Variants in SH3BP2 observed in about 807,000 individuals in gnomAD.
SH3BP2 encodes the protein SH3 domain binding protein 2.
SH3BP2 carries 38 observed loss-of-function variants against 56.2 expected under a neutral mutation model. That is an observed-to-expected ratio of 0.68 (90% CI 0.52 to 0.89). SH3BP2 has a LOEUF of 0.89. Ranked by LOEUF, SH3BP2 falls within the 40% of genes least tolerant of loss-of-function variation. The pLI is 0.00. For missense variants in SH3BP2, 748 were observed against 762.6 expected, an observed-to-expected ratio of 0.98 and a Z score of 0.23; for synonymous variants, 346 against 316.7, an observed-to-expected ratio of 1.09 and a Z score of -0.98.
At position 2,837,158 on chromosome 4, in the gene SH3BP2, A is replaced by T. The variant is rs188447107; in HGVS notation, c.*3324A>T. On this transcript the variant is annotated 3_prime_UTR_variant, in exon 13 of 13. Transcript: ENST00000503393. Reference sequence around the variant, plus strand: ...AGGGTTCAATCGATTCTCCTGCCTCACCCTCCCATGTAGCTGGGATTACAG... The same window carrying T: ...AGGGTTCAATCGATTCTCCTGCCTCTCCCTCCCATGTAGCTGGGATTACAG... The T allele has an allele frequency of 2.0e-5, 3 of 151,476 alleles. No homozygotes were observed. The highest frequency in any genetic ancestry group is 7.3e-5 in the African/African-American group (3 of 41,208). 9.4% of individuals were successfully genotyped at this position (151,476 alleles called of 1,614,324 possible). A position where few individuals can be genotyped will look rare whatever the true frequency, so the allele number is the denominator to read the frequency against.
In SH3BP2 at chr4:2,810,588, G is replaced by A. The variant is rs1723707359; in HGVS notation, c.-4-10026G>A. 6.6e-6 allele frequency among the ~76,000 whole-genome samples: 1 copy of A among 151,912 alleles called. No individual in the cohort carries two copies. Among genetic ancestry groups the A allele is most frequent in the African/African-American group, 2.4e-5 (1 of 41,334 alleles). On this transcript the variant is annotated intron_variant, in intron 1 of 12. Coordinates refer to ENST00000503393, the MANE Select transcript of SH3BP2 (RefSeq NM_001122681.2). The surrounding 1 kb of genome is among the most constrained non-coding windows in gnomAD (Gnocchi z 4.2). ...TGGGTTGTCATCCCTGAAGCTGTGC[G>A]TTGGCCACCTCATTGCCTGTGGATT...
chr4:2,796,484 C>T (rs1203035613), intron 1 of SH3BP2: 1 of 983,784 alleles, frequency 1.0e-6, no homozygotes, highest in Non-Finnish European at 1.2e-6. Context: ...GTGACTGGCC[C>T]TTTCTTCATG....
Position 2,834,101 on chromosome 4 carries a change from A to G in SH3BP2, c.*267A>G, listed in dbSNP as rs930867364. On this transcript the variant is annotated 3_prime_UTR_variant, in exon 13 of 13. Coordinates refer to ENST00000503393, the MANE Select transcript of SH3BP2 (RefSeq NM_001122681.2). Reference sequence around the variant, plus strand: ...GTCCCAATCCCAGAAACCCAGGACCAAGCTGTGCCTGGGCTCCAAGGACAG... The same window carrying G: ...GTCCCAATCCCAGAAACCCAGGACCGAGCTGTGCCTGGGCTCCAAGGACAG... 1 of 470,960 alleles carries G rather than the reference A, an allele frequency of 2.1e-6. No homozygotes were observed. Among genetic ancestry groups the G allele is most frequent in the Non-Finnish European group, 3.8e-6 (1 of 260,612 alleles). The allele number at this position is 470,960 out of a possible 1,614,324, so 29.2% of individuals were successfully genotyped here.
In SH3BP2 at chr4:2,831,765, G is replaced by T; in HGVS notation, c.1350+86G>T. 1 of 1,380,124 alleles carries T rather than the reference G, an allele frequency of 7.2e-7. No individual in the cohort carries two copies. The highest frequency in any genetic ancestry group is 1.2e-5 in the South Asian group (1 of 81,508). The allele number at this position is 1,380,124 out of a possible 1,614,324, so 85.5% of individuals were successfully genotyped here. A position where few individuals can be genotyped will look rare whatever the true frequency, so the allele number is the denominator to read the frequency against. ...CCATAGGCCAGGGCGGCCCCTCACA[G>T]ACCGTCCTGAGCAAGGACCCCCCGA... On this transcript the variant is annotated intron_variant, in intron 9 of 12. Transcript: ENST00000503393. The surrounding 1 kb of genome is among the most constrained non-coding windows in gnomAD (Gnocchi z 4.1).
In SH3BP2 at chr4:2,810,149, G is replaced by A. The variant is rs1050345479; in HGVS notation, c.-4-10465G>A. On this transcript the variant is annotated intron_variant, in intron 1 of 12. Coordinates refer to ENST00000503393, the MANE Select transcript of SH3BP2 (RefSeq NM_001122681.2). The surrounding 1 kb of genome is among the most constrained non-coding windows in gnomAD (Gnocchi z 4.2). ...AAGAGGAATTGAGAGAGCAATTGGA[G>A]AAGCTAAGGCCCAGAGAGGAGGGGT... Among the ~76,000 whole-genome samples the A allele has an allele frequency of 6.6e-6, 1 of 152,164 alleles. No individual in the cohort carries two copies. The highest frequency in any genetic ancestry group is 2.4e-5 in the African/African-American group (1 of 41,438).
intron 1 of SH3BP2, among the ~76,000 whole-genome samples, chr4:2,800,614 C>T (rs544876030): frequency 3.0e-4 from 45 of 152,072 alleles, no homozygotes; most frequent in Admixed American, 1.4e-3. Flanking sequence ...GAGGCTGTCT[C>T]GGGCTCCCGT....
At chr4:2,833,163 G>A in intron 12 of SH3BP2, 114 bp downstream of exon 12, 1 of 915,556 alleles carries the variant, frequency 1.1e-6, no homozygotes. Context: ...GCACCTCCAG[G>A]ATACCGCCCT....
intron 1 of SH3BP2, chr4:2,818,712 C>A (rs1222482114): frequency 5.0e-6 from 5 of 995,288 alleles, no homozygotes; most frequent in Non-Finnish European, 6.0e-6. Flanking sequence ...GCCTTTGTTC[C>A]AAACCTTGGC....
chr4:2,818,842 A>G (rs1295577064), intron 1 of SH3BP2: 2 of 986,024 alleles, frequency 2.0e-6, no homozygotes, highest in East Asian at 1.1e-4. Flanking sequence ...CGAGGCCGGC[A>G]GAAGACAGCC....
intron 7 of SH3BP2, 131 bp downstream of exon 7, chr4:2,827,805 G>T: frequency 1.4e-6 from 1 of 732,196 alleles, no homozygotes. Flanking sequence ...CTTCCCTGCT[G>T]TGTCCCAAGT....
chr4:2,808,517 G>C (rs1723624577), intron 1 of SH3BP2, among the ~76,000 whole-genome samples: 2 of 152,044 alleles, frequency 1.3e-5, no homozygotes, highest in African/African-American at 4.8e-5. Flanking sequence ...TCTTTCTAGG[G>C]TTCCCTCTCC....
Position 2,831,132 on chromosome 4 carries a change from G to T in SH3BP2, c.1242-439G>T, listed in dbSNP as rs549369159. On this transcript the variant is annotated intron_variant, in intron 8 of 12. Transcript: ENST00000503393. This position sits in a 1 kb window ranked among gnomAD's most constrained non-coding sequence, Gnocchi z 4.1. ...TTTGAGGCTTTGCTGAGCAGGACCG[G>T]CTAGCCACACAGGGAGGCGTGCAGG... 6.6e-6 allele frequency among the ~76,000 whole-genome samples: 1 copy of T among 152,364 alleles called. No homozygotes were observed. The highest frequency in any genetic ancestry group is 2.1e-4 in the South Asian group (1 of 4,830).
chr4:2,826,989 G>T (rs77508647), intron 5 of SH3BP2: 7 of 668,040 alleles, frequency 1.0e-5, no homozygotes, highest in African/African-American at 1.8e-5. Context: ...CAGAGTATGT[G>T]TGCATGTGTG....
Position 2,814,328 on chromosome 4 carries a change from CTG to C in SH3BP2, c.-4-6283_-4-6282del, listed in dbSNP as rs531401741. Among the ~76,000 whole-genome samples the C allele has an allele frequency of 2.4e-4, 36 of 152,306 alleles. 1 individual carries two copies. The East Asian group carries it at 6.2e-3, about 26-fold the overall frequency. On this transcript the variant is annotated intron_variant, in intron 1 of 12. Coordinates refer to ENST00000503393, the MANE Select transcript of SH3BP2 (RefSeq NM_001122681.2). ...TTAAATGGAACCCGATGGGGTGTCT[CTG>C]TGGGACTGAGCACTTTTCACCTGAC...
intron 1 of SH3BP2, among the ~76,000 whole-genome samples, chr4:2,819,967 A>G (rs1724211802): frequency 6.6e-6 from 1 of 152,144 alleles, no homozygotes; most frequent in Admixed American, 6.5e-5. Context: ...GCTTGGGCTC[A>G]GAGGGAAGGG....
At chr4:2,813,529 T>G (rs422734) in intron 1 of SH3BP2, among the ~76,000 whole-genome samples, 120,335 of 152,158 alleles carry the variant, frequency 0.79, 48,539 homozygotes, top group African/African-American at 0.95. Flanking sequence ...TGGACCCTGG[T>G]CGATTTAGTG....
At chr4:2,793,638 T>G (rs1420253977) in intron 1 of SH3BP2, 1 of 151,622 alleles carries the variant, frequency 6.6e-6, no homozygotes, top group Non-Finnish European at 1.5e-5. Flanking sequence ...CCCACAAGAC[T>G]CAAAGGCTGC....
At chr4:2,819,951 G>A (rs1724210619) in intron 1 of SH3BP2, among the ~76,000 whole-genome samples, 1 of 152,198 alleles carries the variant, frequency 6.6e-6, no homozygotes, top group Non-Finnish European at 1.5e-5. Context: ...TGACTGTGTG[G>A]TCCTCGCTTG....
At chr4:2,820,902 A>G in intron 2 of SH3BP2, 149 bp downstream of exon 2, 1 of 965,368 alleles carries the variant, frequency 1.0e-6, no homozygotes, top group Admixed American at 2.5e-5. Context: ...GCACCCCTGG[A>G]GAAGCAGAGG....
Sources: allele counts gnomAD v4.1 joint callset (sites outside exome capture counted in the v4.1 genomes callset), GRCh38; gene constraint gnomAD v4.1.1; non-coding constraint Gnocchi (gnomAD v3.1); transcripts MANE v1.5; gene names NCBI Gene and HGNC (gene_info 2026-07-23, HGNC 2026-07-21).